ANKRD42: variants seen among roughly 807,000 people sequenced by gnomAD.
ANKRD42 encodes ankyrin repeat domain 42.
ANKRD42 carries 43 observed loss-of-function variants against 51.5 expected under a neutral mutation model. The observed-to-expected ratio is 0.83, with a 90% CI of 0.65 to 1.08. ANKRD42 has a LOEUF of 1.08. ANKRD42 is among the 50% of genes least tolerant of loss of function. The pLI is 0.00. For missense variants in ANKRD42, 608 were observed against 629.3 expected (o/e 0.97, Z 0.36); for synonymous variants, 203 against 213.0 (o/e 0.95, Z 0.41).
chr11:83,225,048 TC>T lies in ANKRD42; in HGVS notation c.781del (p.Gln261ArgfsTer4). On this transcript the variant is annotated frameshift_variant, in exon 6 of 11. Coordinates refer to ENST00000533342, the MANE Select transcript of ANKRD42 (RefSeq NM_001300975.2). LOFTEE classifies it high-confidence loss of function. ...AEYEGKDLED[Q>X]ETLAFPGHVA... The stretch of plus-strand genomic sequence containing the variant: ...AGTATGAAGGAAAAGACCTAGAGGA[TC>T]AGGAAAGTAAGTAATTAAGTTATAT... The T allele has an allele frequency of 6.2e-7, 1 of 1,611,138 alleles. No homozygotes were observed. The highest frequency in any genetic ancestry group is 8.5e-7 in the Non-Finnish European group (1 of 1,178,090).
chr11:83,224,884 C>G lies in ANKRD42; in HGVS notation c.616C>G (p.His206Asp), dbSNP rs1241325703. ...CTTAGCAGCCATGGAAGGCCACCTT[C>G]ACTGTTTCAAATTCCTAGTCAGTAG... Reference protein sequence around the residue: ...VHLAAMEGHLHCFKFLVSRMS... With the variant: ...VHLAAMEGHLDCFKFLVSRMS... Residue 206 changes from histidine to aspartate, a missense_variant, in exon 6 of 11, where the codon CAC becomes GAC. Coordinates refer to ENST00000533342, the MANE Select transcript of ANKRD42 (RefSeq NM_001300975.2). 6.2e-7 allele frequency: 1 copy of G among 1,605,568 alleles called. No homozygotes were observed. Among genetic ancestry groups the G allele is most frequent in the Non-Finnish European group, 8.5e-7 (1 of 1,174,754 alleles).
intron 5 of ANKRD42, among the ~76,000 whole-genome samples, chr11:83,212,007 T>C (rs189327248): frequency 5.9e-5 from 9 of 152,270 alleles, no homozygotes; most frequent in African/African-American, 2.2e-4. Context: ...GCCAGCTCTT[T>C]CCTTCATCTG....
At chr11:83,258,797 C>T (rs569880922), downstream of ANKRD42, among the ~76,000 whole-genome samples, 1 of 137,694 alleles carries the variant, frequency 7.3e-6, no homozygotes, top group South Asian at 2.3e-4. Context: ...TCAAGTTTGA[C>T]AACATTATAA....
At chr11:83,253,254 G>A (rs1863705829), downstream of ANKRD42, among the ~76,000 whole-genome samples, 1 of 152,196 alleles carries the variant, frequency 6.6e-6, no homozygotes, top group Non-Finnish European at 1.5e-5. Context: ...CTAAAAGTTT[G>A]TGATTTCCCT....
chr11:83,217,482 TA>T (rs762090615), intron 5 of ANKRD42, among the ~76,000 whole-genome samples: 4 of 152,188 alleles, frequency 2.6e-5, no homozygotes, highest in Admixed American at 6.5e-5. Flanking sequence ...CGTCGGATAG[TA>T]ACAGACTTTG....
At chr11:83,225,974 C>T (rs1458220179) in intron 6 of ANKRD42, among the ~76,000 whole-genome samples, 3 of 152,080 alleles carry the variant, frequency 2.0e-5, no homozygotes, top group African/African-American at 7.2e-5. Context: ...AGGCTGGTCT[C>T]AAACTCCTGG....
chr11:83,263,655 T>C (rs545643808), downstream of ANKRD42, among the ~76,000 whole-genome samples: 83 of 152,310 alleles, frequency 5.4e-4, no homozygotes, highest in South Asian at 4.1e-3. Context: ...CGATGAACCA[T>C]TCAGACTCCT....
Position 83,242,606 on chromosome 11 carries a change from G to A in ANKRD42, c.1195+1672G>A, listed in dbSNP as rs11233537. 1.9e-4 allele frequency among the ~76,000 whole-genome samples: 15 copies of A among 77,114 alleles called. No individual in the cohort carries two copies. In the South Asian group the frequency reaches 5.9e-3, roughly 31 times the overall value. 50.6% of individuals were successfully genotyped at this position (77,114 alleles called of 152,430 possible). A position where few individuals can be genotyped will look rare whatever the true frequency, so the allele number is the denominator to read the frequency against. On this transcript the variant is annotated intron_variant, in intron 9 of 10. Transcript: ENST00000533342. ...TTTTTAGATGGAGTCTCACTCCGTC[G>A]CCAGGCTGGAGTGCAGTGGCACGAT...
At chr11:83,222,866 A>C (rs192966670) in intron 5 of ANKRD42, among the ~76,000 whole-genome samples, 14 of 152,270 alleles carry the variant, frequency 9.2e-5, no homozygotes, top group Admixed American at 9.2e-4. Flanking sequence ...TCAGCCTTTG[A>C]ATACCTAGGA....
At chr11:83,257,910 G>A (rs543606), downstream of ANKRD42, among the ~76,000 whole-genome samples, 66,381 of 152,108 alleles carry the variant, frequency 0.44, 14,892 homozygotes, top group African/African-American at 0.54. Context: ...TATGTGGTCT[G>A]TGGCCGCGCA....
At position 83,240,774 on chromosome 11, in the gene ANKRD42, A is replaced by T. The variant is rs112556316; in HGVS notation, c.1035A>T (p.Ala345=). ...SDVAKRFAHL[A]AVKLLEELQK... is the part of the protein sequence containing the mutation. The stretch of plus-strand genomic sequence containing the variant: ...TTTTCTACAGGTTTGCCCATTTGGC[A>T]GCAGTGAAGCTGTTAGAGGAGCTAC... Residue 345 remains alanine, a synonymous_variant, in exon 9 of 11, where the codon GCA becomes GCT. Coordinates refer to ENST00000533342, the MANE Select transcript of ANKRD42 (RefSeq NM_001300975.2). The T allele has an allele frequency of 1.7e-5, 28 of 1,613,910 alleles. No individual in the cohort carries two copies. The highest frequency in any genetic ancestry group is 3.3e-5 in the Admixed American group (2 of 59,976).
chr11:83,228,393 T>C (rs1862963542), intron 7 of ANKRD42, among the ~76,000 whole-genome samples: 1 of 151,732 alleles, frequency 6.6e-6, no homozygotes, highest in Admixed American at 6.6e-5. Flanking sequence ...CACACCCGGC[T>C]AATTTTTTGT....
chr11:83,236,314 A>G (rs904734326), intron 7 of ANKRD42, 90 bp from the exon 8 acceptor site: 1 of 951,234 alleles, frequency 1.1e-6, no homozygotes, highest in African/African-American at 1.7e-5. Context: ...TAAGTACTCT[A>G]TAATGGTACT....
At chr11:83,228,258 T>TC (rs1862958467) in intron 7 of ANKRD42, among the ~76,000 whole-genome samples, 2 of 132,712 alleles carry the variant, frequency 1.5e-5, no homozygotes, top group Non-Finnish European at 3.2e-5. Flanking sequence ...TTTTTTTTTT[T>TC]TTTTTTTTTT....
chr11:83,258,743 A>G (rs1190116850), downstream of ANKRD42, among the ~76,000 whole-genome samples: 1 of 152,146 alleles, frequency 6.6e-6, no homozygotes, highest in Non-Finnish European at 1.5e-5. Context: ...TTTAAATATT[A>G]AAAAATACTT....
At chr11:83,251,599 C>T (rs1194726279), downstream of ANKRD42, among the ~76,000 whole-genome samples, 2 of 152,210 alleles carry the variant, frequency 1.3e-5, no homozygotes, top group South Asian at 4.1e-4. Context: ...CTTTTAACAC[C>T]ACTTGTTACT....
intron 2 of ANKRD42, among the ~76,000 whole-genome samples, chr11:83,204,898 C>T (rs1862010721): frequency 6.6e-6 from 1 of 152,064 alleles, no homozygotes; most frequent in South Asian, 2.1e-4. Flanking sequence ...GGCAATTAAA[C>T]ATATGAAAAG....
At position 83,236,479 on chromosome 11, in the gene ANKRD42, C is replaced by T. The variant is rs984021541; in HGVS notation, c.989C>T (p.Ala330Val). 6.2e-7 allele frequency: 1 copy of T among 1,611,324 alleles called. No individual in the cohort carries two copies. The highest frequency in any genetic ancestry group is 1.3e-5 in the African/African-American group (1 of 74,886). ...MGADSNITNK[A>V]GERPSDVAKR... Reference sequence around the variant, plus strand: ...GCAGACAGTAATATTACCAACAAAGCAGGGGAGAGACCCAGTGATGTGGCA... The same window carrying T: ...GCAGACAGTAATATTACCAACAAAGTAGGGGAGAGACCCAGTGATGTGGCA... Residue 330 changes from alanine (A) to valine (V), a missense_variant, in exon 8 of 11, where the codon GCA (alanine) becomes GTA (valine). Physicochemically the swap from Ala to Val is moderately conservative, Grantham distance 64. Transcript: ENST00000533342.
chr11:83,248,296 TACACACACACACACACACAC>T lies in ANKRD42; in HGVS notation c.*113_*132del, dbSNP rs58376016. ...AGAGCTGATGACAGGATTAAAGGAA[TACACACACACACACACACAC>T]ACACACACACACACACACACTCTAT... On this transcript the variant is annotated 3_prime_UTR_variant, in exon 11 of 11. Transcript: ENST00000533342. 1.4e-4 allele frequency: 188 copies of T among 1,300,892 alleles called. No individual in the cohort carries two copies. The African/African-American group carries it at 1.5e-3, about 10-fold the overall frequency. 80.6% of individuals were successfully genotyped at this position (1,300,892 alleles called of 1,614,324 possible). A position where few individuals can be genotyped will look rare whatever the true frequency, so the allele number is the denominator to read the frequency against.
Sources: allele counts gnomAD v4.1 joint callset (sites outside exome capture counted in the v4.1 genomes callset), GRCh38; gene constraint gnomAD v4.1.1; transcripts MANE v1.5; gene names NCBI Gene and HGNC (gene_info 2026-07-23, HGNC 2026-07-21).